The following IL1RAPL2 variants were observed in gnomAD, a reference collection of about 807,000 sequenced individuals.
IL1RAPL2 encodes the protein X-linked interleukin-1 receptor accessory protein-like 2.
A neutral mutation model predicts 44.1 loss-of-function variants in IL1RAPL2; 3 were observed. The observed-to-expected ratio is 0.07, with a 90% confidence interval of 0.03 to 0.18. The LOEUF is 0.18. IL1RAPL2 is among the 10% of genes least tolerant of loss of function. IL1RAPL2 has a pLI of 1.00. For synonymous variants in IL1RAPL2, 181 were observed against 178.8 expected (o/e 1.01, Z -0.10); for missense variants, 391 against 496.4 (o/e 0.79, Z 2.02).
At chrX:105,276,162 T>G (rs1033501619) in intron 5 of IL1RAPL2, among the ~76,000 whole-genome samples, 2 of 112,247 alleles carry the variant, frequency 1.8e-5, no homozygotes, top group African/African-American at 6.5e-5. Flanking sequence ...TCCCACCACT[T>G]TGGGAGACCG....
At chrX:105,652,668 G>T (rs1012951324) in intron 6 of IL1RAPL2, among the ~76,000 whole-genome samples, 4 of 110,980 alleles carry the variant, frequency 3.6e-5, no homozygotes, top group Non-Finnish European at 7.6e-5. Context: ...TTTTTAACCA[G>T]TTGAACTCCA....
intron 2 of IL1RAPL2, among the ~76,000 whole-genome samples, chrX:105,074,950 A>G (rs1230266553): frequency 2.7e-5 from 3 of 111,029 alleles, no homozygotes; most frequent in African/African-American, 6.6e-5. Flanking sequence ...GGCTGAGACG[A>G]TGGGGTTTTC....
chrX:104,744,290 T>A (rs1932138489), intron 2 of IL1RAPL2, among the ~76,000 whole-genome samples: 2 of 111,735 alleles, frequency 1.8e-5, no homozygotes, highest in Admixed American at 1.9e-4. Context: ...TAAATATTTA[T>A]GAAAATATTT....
At chrX:105,267,910 ATC>A (rs1290573010) in intron 5 of IL1RAPL2, among the ~76,000 whole-genome samples, 5 of 111,599 alleles carry the variant, frequency 4.5e-5, no homozygotes, top group Non-Finnish European at 7.5e-5. Context: ...TAGAATGAGA[ATC>A]TGTTAGATTT....
intron 3 of IL1RAPL2, among the ~76,000 whole-genome samples, chrX:105,229,361 C>T (rs1390972915): frequency 8.9e-6 from 1 of 112,431 alleles, no homozygotes; most frequent in Non-Finnish European, 1.9e-5. Flanking sequence ...GCAGGACTCA[C>T]ATCAGACCTT....
chrX:105,213,603 A>G (rs2033826144), intron 3 of IL1RAPL2, among the ~76,000 whole-genome samples: 1 of 110,861 alleles, frequency 9.0e-6, no homozygotes, highest in African/African-American at 3.3e-5. Context: ...ACAGGCCAAC[A>G]TTCAAGTTCA....
intron 9 of IL1RAPL2, among the ~76,000 whole-genome samples, chrX:105,750,932 T>TA (rs1305599564): frequency 1.8e-5 from 2 of 110,966 alleles, no homozygotes; most frequent in Non-Finnish European, 3.8e-5. Flanking sequence ...AGCAAGTGGC[T>TA]AAACTATCCA....
chrX:104,995,513 A>G (rs774014253), intron 2 of IL1RAPL2, among the ~76,000 whole-genome samples: 1 of 111,846 alleles, frequency 8.9e-6, no homozygotes, highest in Admixed American at 9.6e-5. Flanking sequence ...GTTTCACAAA[A>G]TGTGCCCATT....
chrX:105,320,435 TG>T (rs1217600575), intron 5 of IL1RAPL2, among the ~76,000 whole-genome samples: 1 of 110,656 alleles, frequency 9.0e-6, no homozygotes, highest in African/African-American at 3.3e-5. Context: ...TTCAGTAAGG[TG>T]GGGGGAGGAG....
At chrX:104,949,076 A>G (rs1485009486) in intron 2 of IL1RAPL2, among the ~76,000 whole-genome samples, 1 of 110,920 alleles carries the variant, frequency 9.0e-6, no homozygotes, top group Non-Finnish European at 1.9e-5. Flanking sequence ...TAAGCTATTG[A>G]TTATTGCCAC....
chrX:104,675,505 A>T (rs1197025956), intron 2 of IL1RAPL2, among the ~76,000 whole-genome samples: 1 of 110,515 alleles, frequency 9.0e-6, no homozygotes, highest in Non-Finnish European at 1.9e-5. Context: ...TGCTGAGGAG[A>T]GCTTTACTTC....
At chrX:104,992,530 G>A (rs1409166586) in intron 2 of IL1RAPL2, among the ~76,000 whole-genome samples, 1 of 110,868 alleles carries the variant, frequency 9.0e-6, no homozygotes, top group African/African-American at 3.3e-5. Flanking sequence ...GTAGTTGGAG[G>A]GCTACCAAGA....
chrX:105,041,095 T>C (rs1476658934), intron 2 of IL1RAPL2, among the ~76,000 whole-genome samples: 1 of 105,732 alleles, frequency 9.5e-6, no homozygotes, highest in Non-Finnish European at 1.9e-5. Context: ...TTCTCGTTGG[T>C]TTCAAAGAAC....
intron 2 of IL1RAPL2, among the ~76,000 whole-genome samples, chrX:105,188,517 A>G (rs1203631208): frequency 9.0e-6 from 1 of 111,575 alleles, no homozygotes; most frequent in African/African-American, 3.3e-5. Context: ...GATAAAGATG[A>G]AAAGAGTGAT....
chrX:104,765,301 G>A (rs1284437140), intron 2 of IL1RAPL2, among the ~76,000 whole-genome samples: 1 of 111,725 alleles, frequency 9.0e-6, no homozygotes, highest in Non-Finnish European at 1.9e-5. Context: ...TAGGTTGTAT[G>A]TATCTAGGGA....
intron 3 of IL1RAPL2, among the ~76,000 whole-genome samples, chrX:105,196,681 GT>G (rs1304696956): frequency 9.0e-6 from 1 of 111,165 alleles, no homozygotes; most frequent in African/African-American, 3.3e-5. Context: ...AAAGCAATAT[GT>G]TTTTTCCCTT....
chrX:105,206,167 T>C (rs1397364377), intron 3 of IL1RAPL2, among the ~76,000 whole-genome samples: 2 of 111,635 alleles, frequency 1.8e-5, no homozygotes, highest in African/African-American at 3.3e-5. Flanking sequence ...TCAGAGAATG[T>C]TGATGAGCAC....
intron 5 of IL1RAPL2, among the ~76,000 whole-genome samples, chrX:105,479,510 C>T (rs1191194896): frequency 9.1e-6 from 1 of 110,191 alleles, no homozygotes; most frequent in Non-Finnish European, 1.9e-5. Context: ...AAGGCCGAGG[C>T]GGGTGGATTA....
At chrX:105,356,714 G>A (rs1424830954) in intron 5 of IL1RAPL2, among the ~76,000 whole-genome samples, 1 of 112,333 alleles carries the variant, frequency 8.9e-6, no homozygotes, top group East Asian at 2.8e-4. Flanking sequence ...CCAGGTAAAT[G>A]TCAGAGGACA....
Sources: gnomAD v4.1 joint callset for allele counts (sites outside exome capture counted in the v4.1 genomes callset) on GRCh38, gnomAD v4.1.1 for gene constraint, MANE v1.5 for transcripts, NCBI Gene and HGNC (gene_info 2026-07-23, HGNC 2026-07-21) for gene names.